MYO18B: variants seen among roughly 807,000 people sequenced by gnomAD.
The protein encoded by MYO18B is myosin XVIIIB, also known as unconventional myosin-XVIIIb.
Under a neutral mutation model 273.0 loss-of-function variants are expected in MYO18B, and 204 were observed. The ratio of observed to expected loss-of-function variants is 0.75; its 90% confidence interval spans 0.67 to 0.84. The LOEUF (loss-of-function observed/expected upper bound fraction) is 0.84. Among genes scored for constraint, MYO18B ranks in the 40% least tolerant of loss-of-function variants. The pLI, the probability that MYO18B is intolerant of heterozygous loss-of-function variation, is 0.00. For missense variants in MYO18B, 3,212 were observed against 3,287.6 expected (o/e 0.98, Z 0.56); for synonymous variants, 1,330 against 1,305.7 (o/e 1.02, Z -0.40).
chr22:25,862,594 G>A (rs1456958736), intron 21 of MYO18B, among the ~76,000 whole-genome samples: 2 of 152,066 alleles, frequency 1.3e-5, no homozygotes, highest in African/African-American at 2.4e-5. Context: ...TGCCAGATAC[G>A]GAATTCCTGA....
At chr22:25,907,541 G>A (rs746436752) in intron 31 of MYO18B, among the ~76,000 whole-genome samples, 30 of 152,122 alleles carry the variant, frequency 2.0e-4, no homozygotes, top group Admixed American at 7.2e-4. Context: ...ATTCTAAGAC[G>A]GTTGTTTTCT....
At chr22:26,019,573 C>A (rs1026807530) in intron 42 of MYO18B, among the ~76,000 whole-genome samples, 1 of 152,216 alleles carries the variant, frequency 6.6e-6, no homozygotes, top group Non-Finnish European at 1.5e-5. Flanking sequence ...TCCTGGGTGC[C>A]ATGTCAACTT....
the MYO18B span, among the ~76,000 whole-genome samples, chr22:26,059,674 C>A: frequency 5.1e-4 from 77 of 152,324 alleles, no homozygotes; most frequent in Non-Finnish European, 7.3e-4. Context: ...CTCCCAAACT[C>A]CATCTTCTAA....
At chr22:25,746,311 T>C (rs1047181112) in intron 1 of MYO18B, among the ~76,000 whole-genome samples, 2 of 152,234 alleles carry the variant, frequency 1.3e-5, no homozygotes, top group African/African-American at 2.4e-5. Context: ...GTTCTTTCCC[T>C]GTTACACCTA....
chr22:26,012,268 G>A (rs9613083), intron 42 of MYO18B, among the ~76,000 whole-genome samples: 18,352 of 152,156 alleles, frequency 0.12, 1,184 homozygotes, highest in Middle Eastern at 0.14. Flanking sequence ...ATGGTACTTA[G>A]CTTTAAAAAA....
At chr22:25,801,215 GT>G (rs57696108) in intron 12 of MYO18B, among the ~76,000 whole-genome samples, 4,824 of 152,026 alleles carry the variant, frequency 0.032, 245 homozygotes, top group African/African-American at 0.11. Context: ...CCCCAATCCT[GT>G]TTTTAAAAAT....
intron 10 of MYO18B, among the ~76,000 whole-genome samples, 161 bp downstream of exon 10, chr22:25,781,995 A>G (rs1601677700): frequency 1.3e-5 from 2 of 152,372 alleles, no homozygotes; most frequent in African/African-American, 2.4e-5. Context: ...CACGCAGCTC[A>G]TGGGCTGGGT....
At chr22:25,833,250 A>G (rs181431763) in intron 16 of MYO18B, among the ~76,000 whole-genome samples, 4 of 152,284 alleles carry the variant, frequency 2.6e-5, no homozygotes, top group South Asian at 2.1e-4. Context: ...GTCTGAGTCT[A>G]TGTCTTAGAA....
At chr22:25,997,643 G>T (rs2087860820) in intron 40 of MYO18B, among the ~76,000 whole-genome samples, 1 of 152,160 alleles carries the variant, frequency 6.6e-6, no homozygotes. Flanking sequence ...AATTAATATT[G>T]TATAAAGCAT....
At chr22:25,759,281 C>G (rs1418453135) in intron 1 of MYO18B, among the ~76,000 whole-genome samples, 1 of 152,054 alleles carries the variant, frequency 6.6e-6, no homozygotes, top group Non-Finnish European at 1.5e-5. Flanking sequence ...TGGAACGAAC[C>G]CCAATGTCCA....
At position 26,014,171 on chromosome 22, in the gene MYO18B, T is replaced by C. The variant is rs968571451; in HGVS notation, c.6470+9316T>C. Among the ~76,000 whole-genome samples the C allele has an allele frequency of 2.6e-5, 4 of 152,200 alleles. No individual in the cohort carries two copies. The East Asian group carries it at 7.7e-4, about 29-fold the overall frequency. On this transcript the variant is annotated intron_variant, in intron 42 of 43. Coordinates refer to ENST00000335473, the MANE Select transcript of MYO18B (RefSeq NM_032608.7). ...ACAATGCATCATGAATTGATACTTA[T>C]TTGTGATGTGAGGTAGGGCTCATTG...
chr22:25,802,920 G>A (rs2088282090), intron 12 of MYO18B, among the ~76,000 whole-genome samples: 1 of 151,518 alleles, frequency 6.6e-6, no homozygotes, highest in South Asian at 2.1e-4. Flanking sequence ...TGTAATATGT[G>A]CATATCTTTG....
chr22:25,902,669 G>T lies in MYO18B; in HGVS notation c.4880G>T (p.Arg1627Leu), dbSNP rs371636194. ...LGESVFEKGL[R>L]EKVTQENTSV... Reference sequence around the variant, plus strand: ...GAGTCAGTGTTTGAGAAGGGTCTCCGTGAGAAAGTGACCCAGGAGAACACC... The same window carrying T: ...GAGTCAGTGTTTGAGAAGGGTCTCCTTGAGAAAGTGACCCAGGAGAACACC... Residue 1627 changes from arginine (R) to leucine (L), a missense_variant, in exon 30 of 44, where the codon CGT (arginine) becomes CTT (leucine). Transcript: ENST00000335473. The T allele has an allele frequency of 5.0e-6, 8 of 1,599,342 alleles. No individual in the cohort carries two copies. In the African/African-American group the frequency reaches 1.1e-4, roughly 21 times the overall value.
chr22:26,054,448 CAT>C, the MYO18B span, among the ~76,000 whole-genome samples: 2 of 152,148 alleles, frequency 1.3e-5, no homozygotes, highest in African/African-American at 2.4e-5. Context: ...TTTGGATAAA[CAT>C]ATGTCAGAGA....
intron 6 of MYO18B, 61 bp from the exon 7 acceptor site, chr22:25,772,273 G>C: frequency 6.5e-7 from 1 of 1,528,884 alleles, no homozygotes; most frequent in Non-Finnish European, 8.9e-7. Flanking sequence ...GGGGGGTGGG[G>C]TGGGGGCAGG....
At chr22:25,887,353 C>T (rs67493247) in intron 25 of MYO18B, among the ~76,000 whole-genome samples, 1,981 of 152,232 alleles carry the variant, frequency 0.013, 17 homozygotes, top group East Asian at 0.033. Flanking sequence ...ACTCACTGCT[C>T]GCCCAAGCTG....
At chr22:25,976,169 G>A (rs2093087123) in intron 39 of MYO18B, among the ~76,000 whole-genome samples, 1 of 152,168 alleles carries the variant, frequency 6.6e-6, no homozygotes, top group African/African-American at 2.4e-5. Flanking sequence ...ATTCTGAAAT[G>A]TACAGCATAG....
At position 25,915,043 on chromosome 22, in the gene MYO18B, AT is replaced by A. The variant is rs200419330; in HGVS notation, c.5364+3996del. On this transcript the variant is annotated intron_variant, in intron 33 of 43. Coordinates refer to ENST00000335473, the MANE Select transcript of MYO18B (RefSeq NM_032608.7). ...ATTGGGGCAACAAAGATCTCAACAA[AT>A]TTAAAAAAAAAAATGTTATACTTTC... 5.5e-3 allele frequency among the ~76,000 whole-genome samples: 829 copies of A among 151,664 alleles called. 3 individuals are homozygous for A. Among genetic ancestry groups the A allele is most frequent in the African/African-American group, 0.018 (724 of 41,278 alleles).
chr22:25,758,848 C>T (rs2086211594), intron 1 of MYO18B, among the ~76,000 whole-genome samples: 1 of 151,874 alleles, frequency 6.6e-6, no homozygotes, highest in Non-Finnish European at 1.5e-5. Context: ...AACTCCTCCT[C>T]CCAGGTTCAC....
Sources: allele counts gnomAD v4.1 joint callset (sites outside exome capture counted in the v4.1 genomes callset), GRCh38; gene constraint gnomAD v4.1.1; transcripts MANE v1.5; gene names NCBI Gene and HGNC (gene_info 2026-07-23, HGNC 2026-07-21).